KATNIP: variants seen among roughly 807,000 people sequenced by gnomAD.
KATNIP encodes katanin-interacting protein.
A neutral mutation model predicts 174.0 loss-of-function variants in KATNIP; 126 were observed. The observed-to-expected ratio is 0.72, with a 90% CI of 0.63 to 0.84. The LOEUF (loss-of-function observed/expected upper bound fraction) is 0.84, where lower values mean the gene tolerates loss of function less well. Ranked by LOEUF, KATNIP falls within the 40% of genes least tolerant of loss-of-function variation. The probability of loss-of-function intolerance (pLI) is 0.00; values close to 1 mark genes in which losing one functional copy is unlikely to be tolerated. For synonymous variants in KATNIP, 810 were observed against 835.7 expected, an observed-to-expected ratio of 0.97 and a Z score of 0.53; for missense variants, 1,958 against 2,109.7, an observed-to-expected ratio of 0.93 and a Z score of 1.41.
At chr16:27,618,329 CCT>C in intron 2 of KATNIP, 94 bp from the exon 3 acceptor site, 1 of 946,950 alleles carries the variant, frequency 1.1e-6, no homozygotes, top group Non-Finnish European at 1.7e-6. Context: ...TCAGCCTCCG[CCT>C]CTCAGCCTGC....
intron 14 of KATNIP, among the ~76,000 whole-genome samples, chr16:27,726,866 A>G (rs1450149819): frequency 1.3e-5 from 2 of 152,178 alleles, no homozygotes. Context: ...TGGCTGGAGC[A>G]TGGGGAACAA....
At chr16:27,654,678 C>G (rs1370082185) in intron 6 of KATNIP, 1 of 1,352,032 alleles carries the variant, frequency 7.4e-7, no homozygotes, top group South Asian at 1.1e-5. Flanking sequence ...TGTGGACATT[C>G]TGACCCTTCA....
At chr16:27,702,432 T>C (rs554413008) in intron 11 of KATNIP, among the ~76,000 whole-genome samples, 20 of 152,234 alleles carry the variant, frequency 1.3e-4, no homozygotes, top group Non-Finnish European at 2.8e-4. Flanking sequence ...GCCTTCCCTC[T>C]AGTCTTCAGA....
rs953661671 is a variant in KATNIP, at chr16:27,751,596, A to C, written c.3347-123A>C. On this transcript the variant is annotated intron_variant, in intron 16 of 27. Transcript: ENST00000261588. ...TGTGAAGACTAATAAGGCTCACACT[A>C]ATCAATACCAGTTAAGGGTGTGGGG... 4.8e-6 allele frequency: 4 copies of C among 825,540 alleles called. No individual in the cohort carries two copies. The African/African-American group carries it at 6.7e-5, about 14-fold the overall frequency. The allele number at this position is 825,540 out of a possible 1,614,324, so 51.1% of individuals were successfully genotyped here.
chr16:27,624,814 G>A lies in KATNIP; in HGVS notation c.141-3847G>A, dbSNP rs907567963. On this transcript the variant is annotated intron_variant, in intron 3 of 27. Coordinates refer to ENST00000261588, the MANE Select transcript of KATNIP (RefSeq NM_015202.5). Reference sequence around the variant, plus strand: ...CAGCCTGGGCACCAGAGCAAGACCCGGGAAAAAAAGAAAAGAAAGAAATAG... The same window carrying A: ...CAGCCTGGGCACCAGAGCAAGACCCAGGAAAAAAAGAAAAGAAAGAAATAG... Among the ~76,000 whole-genome samples the A allele has an allele frequency of 5.3e-5, 8 of 152,052 alleles. No individual in the cohort carries two copies. In the East Asian group the frequency reaches 7.7e-4, roughly 15 times the overall value.
chr16:27,588,552 T>C (rs754062097), intron 2 of KATNIP, among the ~76,000 whole-genome samples: 33 of 151,708 alleles, frequency 2.2e-4, no homozygotes, highest in Non-Finnish European at 4.1e-4. Context: ...CACAGCTCAC[T>C]GTAGCCTCAA....
At chr16:27,702,514 C>T (rs1298376062) in intron 11 of KATNIP, among the ~76,000 whole-genome samples, 1 of 152,190 alleles carries the variant, frequency 6.6e-6, no homozygotes, top group African/African-American at 2.4e-5. Context: ...CACACAGACA[C>T]ACTCTGAGGG....
chr16:27,713,854 A>ATATCTC (rs2079798549), intron 13 of KATNIP, among the ~76,000 whole-genome samples: 1 of 69,314 alleles, frequency 1.4e-5, no homozygotes, highest in Non-Finnish European at 2.8e-5. Flanking sequence ...ATATATATAT[A>ATATCTC]TATCTATCTC....
chr16:27,744,982 A>G (rs1216223662), intron 15 of KATNIP, among the ~76,000 whole-genome samples: 1 of 152,214 alleles, frequency 6.6e-6, no homozygotes, highest in African/African-American at 2.4e-5. Flanking sequence ...AAAGTAATAT[A>G]GGGAATTTAT....
chr16:27,615,293 CTTT>C (rs528705562), intron 2 of KATNIP, among the ~76,000 whole-genome samples: 3 of 129,388 alleles, frequency 2.3e-5, no homozygotes, highest in Admixed American at 7.8e-5. Context: ...CACATCTGGC[CTTT>C]TTTTTTTTTT....
intron 12 of KATNIP, among the ~76,000 whole-genome samples, chr16:27,706,203 A>G (rs1368575452): frequency 6.6e-6 from 1 of 151,118 alleles, no homozygotes; most frequent in East Asian, 1.9e-4. Context: ...ATGGTCCCCA[A>G]ATAGCTAGAA....
rs2082529109 is a variant in KATNIP at position 27,777,176 on chromosome 16, C to G, written c.4551+147C>G. On this transcript the variant is annotated intron_variant, in intron 25 of 27. Transcript: ENST00000261588. This position sits in a 1 kb window ranked among gnomAD's most constrained non-coding sequence, Gnocchi z 4.4. Reference sequence around the variant, plus strand: ...CTGGTCGTCAGATGCAGGCGAATTTCCCACCCAACCATGAATTCAGAACCT... The same window carrying G: ...CTGGTCGTCAGATGCAGGCGAATTTGCCACCCAACCATGAATTCAGAACCT... 1 of 628,108 alleles carries G rather than the reference C, an allele frequency of 1.6e-6. No homozygotes were observed. Among genetic ancestry groups the G allele is most frequent in the Non-Finnish European group, 2.9e-6 (1 of 346,240 alleles). 38.9% of individuals were successfully genotyped at this position (628,108 alleles called of 1,614,324 possible).
intron 11 of KATNIP, 88 bp downstream of exon 11, chr16:27,701,783 GT>G: frequency 3.4e-6 from 3 of 875,694 alleles, no homozygotes; most frequent in Non-Finnish European, 3.6e-6. Context: ...CTTTTCCTAC[GT>G]TTTTTTCAGA....
chr16:27,577,788 G>A (rs1184012628), intron 2 of KATNIP, among the ~76,000 whole-genome samples: 2 of 151,952 alleles, frequency 1.3e-5, no homozygotes, highest in Admixed American at 1.3e-4. Context: ...CGGGAGTATC[G>A]CTTGAGCCCA....
intron 3 of KATNIP, among the ~76,000 whole-genome samples, chr16:27,627,657 T>TA (rs1456657777): frequency 1.3e-5 from 2 of 152,250 alleles, no homozygotes; most frequent in Non-Finnish European, 1.5e-5. Context: ...TTTAGGTTTT[T>TA]AGAACAGAGT....
At chr16:27,636,639 T>C (rs1285872937) in intron 5 of KATNIP, among the ~76,000 whole-genome samples, 2 of 152,006 alleles carry the variant, frequency 1.3e-5, no homozygotes, top group African/African-American at 2.4e-5. Context: ...GAGCTGGCCA[T>C]GTGACCTCTC....
intron 2 of KATNIP, among the ~76,000 whole-genome samples, chr16:27,606,546 T>C (rs1315567160): frequency 1.3e-5 from 2 of 151,318 alleles, no homozygotes; most frequent in East Asian, 3.9e-4. Context: ...CACTTCAAAC[T>C]GGCCCAAGGA....
chr16:27,713,850 A>C (rs113871960), intron 13 of KATNIP, among the ~76,000 whole-genome samples: 1,039 of 74,418 alleles, frequency 0.014, 52 homozygotes, highest in African/African-American at 0.055. Flanking sequence ...ATATATATAT[A>C]TATATATCTA....
intron 3 of KATNIP, among the ~76,000 whole-genome samples, chr16:27,621,783 G>T (rs1241483021): frequency 6.6e-6 from 1 of 150,678 alleles, no homozygotes; most frequent in African/African-American, 2.5e-5. Context: ...GAGAGAGAGG[G>T]TGGGGGGGAG....
Sources: gnomAD v4.1 joint callset for allele counts (sites outside exome capture counted in the v4.1 genomes callset) on GRCh38, gnomAD v4.1.1 for gene constraint, Gnocchi (gnomAD v3.1) non-coding constraint, MANE v1.5 for transcripts, NCBI Gene and HGNC (gene_info 2026-07-23, HGNC 2026-07-21) for gene names.